Variants in CYP26B1 observed in about 807,000 individuals in gnomAD.
CYP26B1 encodes the protein cytochrome P450 26B1.
In CYP26B1, 8 loss-of-function variants were observed where a neutral mutation model predicts 39.1. The observed-to-expected ratio is 0.20, with a 90% CI of 0.12 to 0.37. The LOEUF is 0.37. CYP26B1 is among the 10% of genes least tolerant of loss of function. CYP26B1 has a pLI of 1.00. For synonymous variants in CYP26B1, 321 were observed against 314.3 expected, an observed-to-expected ratio of 1.02 and a Z score of -0.23; for missense variants, 615 against 707.0, an observed-to-expected ratio of 0.87 and a Z score of 1.48.
chr2:72,147,509 A>C lies in CYP26B1; in HGVS notation c.204+122T>G. ...GGGCTGCTGCGGCAGAGAGGAGGGA[A>C]GGGGCGGGGCGGGGACCAGTGCCTT... On this transcript the variant is annotated intron_variant, in intron 1 of 5. Transcript: ENST00000001146. This position sits in a 1 kb window ranked among gnomAD's most constrained non-coding sequence, Gnocchi z 6.1. 1 of 987,086 alleles carries C rather than the reference A, an allele frequency of 1.0e-6. No individual in the cohort carries two copies. Among genetic ancestry groups the C allele is most frequent in the African/African-American group, 1.7e-5 (1 of 57,976 alleles). 61.1% of individuals were successfully genotyped at this position (987,086 alleles called of 1,614,324 possible). A position where few individuals can be genotyped will look rare whatever the true frequency, so the allele number is the denominator to read the frequency against.
At position 72,144,186 on chromosome 2, in the gene CYP26B1, C is replaced by T; in HGVS notation, c.232G>A (p.Glu78Lys). 2.5e-6 allele frequency: 4 copies of T among 1,598,470 alleles called. No individual in the cohort carries two copies. The highest frequency in any genetic ancestry group is 1.7e-4 in the Middle Eastern group (1 of 6,014). Residue 78 changes from glutamate (E) to lysine (K), a missense_variant, in exon 2 of 6, where the codon GAG (glutamate) becomes AAG (lysine). Physicochemically the swap from Glu to Lys is moderately conservative, Grantham distance 56. Transcript: ENST00000001146. ...GTCTTGAACACGTTGCCATACTTCT[C>T]CCTCCGCGACGACTGGAAGCCAGAA... ...QGSGFQSSRR[E>K]KYGNVFKTHL...
At position 72,138,187 on chromosome 2, in the gene CYP26B1, T is replaced by G. The variant is rs532603061; in HGVS notation, c.430-2768A>C. Among the ~76,000 whole-genome samples the G allele has an allele frequency of 3.1e-3, 465 of 152,232 alleles. 4 individuals are homozygous for G. The highest frequency in any genetic ancestry group is 0.011 in the African/African-American group (439 of 41,550). On this transcript the variant is annotated intron_variant, in intron 2 of 5. Coordinates refer to ENST00000001146, the MANE Select transcript of CYP26B1 (RefSeq NM_019885.4). ...TCCATGCCCCTGCCTCTTGCCCAGC[T>G]GCTCCACAGACATAGGGGCCTCCCA...
intron 3 of CYP26B1, 24 bp from the exon 4 acceptor site, chr2:72,134,940 CAT>C (rs1398241581): frequency 1.9e-6 from 3 of 1,612,498 alleles, no homozygotes; most frequent in Non-Finnish European, 2.5e-6. Context: ...GGCTGTCACT[CAT>C]ATGGAAGGGC....
intron 3 of CYP26B1, 91 bp from the exon 4 acceptor site, chr2:72,135,007 C>A (rs1676720160): frequency 6.2e-7 from 1 of 1,601,090 alleles, no homozygotes; most frequent in South Asian, 1.1e-5. Context: ...TCCTCCTACC[C>A]CACGCTGACA....
rs1377375137 is a variant in CYP26B1 at position 72,147,296 on chromosome 2, T to C, written c.204+335A>G. 1.3e-5 allele frequency among the ~76,000 whole-genome samples: 2 copies of C among 151,780 alleles called. No homozygotes were observed. Among genetic ancestry groups the C allele is most frequent in the Non-Finnish European group, 2.9e-5 (2 of 67,946 alleles). On this transcript the variant is annotated intron_variant, in intron 1 of 5. Coordinates refer to ENST00000001146, the MANE Select transcript of CYP26B1 (RefSeq NM_019885.4). The surrounding 1 kb of genome is among the most constrained non-coding windows in gnomAD (Gnocchi z 6.1). ...GCGAAAGCGGCTCAGGACCGGACCC[T>C]CCCCCGGGACCGCGCCTCGCTAGGC... is the stretch of plus-strand genomic sequence containing the variant.
chr2:72,144,554 C>G, intron 1 of CYP26B1: 1 of 1,067,784 alleles, frequency 9.4e-7, no homozygotes, highest in Non-Finnish European at 1.1e-6. Context: ...CCACCCCGCG[C>G]TCGGGAGCCT....
At position 72,144,125 on chromosome 2, in the gene CYP26B1, C is replaced by T; in HGVS notation, c.293G>A (p.Gly98Asp). The T allele has an allele frequency of 6.2e-7, 1 of 1,611,700 alleles. No homozygotes were observed. Among genetic ancestry groups the T allele is most frequent in the Non-Finnish European group, 8.5e-7 (1 of 1,178,010 alleles). The change falls in exon 2 of 6, where the codon GGC becomes GAC. Residue 98 changes from glycine to aspartate, a missense_variant. Coordinates refer to ENST00000001146, the MANE Select transcript of CYP26B1 (RefSeq NM_019885.4). ...LLGRPLIRVT[G>D]AENVRKILMG... ...GAGGATCTTGCGCACGTTCTCCGCGCCGGTCACGCGTATCAGCGGCCGCCC... is the reference window on the plus strand; with the variant it reads ...GAGGATCTTGCGCACGTTCTCCGCGTCGGTCACGCGTATCAGCGGCCGCCC...
At chr2:72,144,767 G>T (rs1677070609) in intron 1 of CYP26B1, among the ~76,000 whole-genome samples, 1 of 152,194 alleles carries the variant, frequency 6.6e-6, no homozygotes, top group Non-Finnish European at 1.5e-5. Context: ...GCGGGGTCAC[G>T]GGCCCAGAGC....
chr2:72,140,989 T>G (rs1317298085), intron 2 of CYP26B1, among the ~76,000 whole-genome samples: 4 of 152,120 alleles, frequency 2.6e-5, no homozygotes, highest in Non-Finnish European at 4.4e-5. Flanking sequence ...TGAGGTCCAG[T>G]CCTATCTCCA....
In CYP26B1 at chr2:72,137,181, C is replaced by T. The variant is rs573700278; in HGVS notation, c.430-1762G>A. Among the ~76,000 whole-genome samples the T allele has an allele frequency of 4.7e-4, 71 of 152,274 alleles. 3 individuals carry two copies. In the South Asian group the frequency reaches 0.014, roughly 29 times the overall value. On this transcript the variant is annotated intron_variant, in intron 2 of 5. Coordinates refer to ENST00000001146, the MANE Select transcript of CYP26B1 (RefSeq NM_019885.4). ...GCAGACCTGGTCCTCCTGCCTCTCACCCGGTGCCCTGGAGGCCACGCCCAC... is the reference window on the plus strand; with the variant it reads ...GCAGACCTGGTCCTCCTGCCTCTCATCCGGTGCCCTGGAGGCCACGCCCAC...
rs1676747043 is a variant in CYP26B1 at position 72,135,548 on chromosome 2, AGCTGGGC to A, written c.430-136_430-130del. 7 of 1,384,256 alleles carry A rather than the reference AGCTGGGC, an allele frequency of 5.1e-6. No homozygotes were observed. In the African/African-American group the frequency reaches 8.5e-5, roughly 17 times the overall value. The allele number at this position is 1,384,256 out of a possible 1,614,324, so 85.7% of individuals were successfully genotyped here. On this transcript the variant is annotated intron_variant, in intron 2 of 5. Coordinates refer to ENST00000001146, the MANE Select transcript of CYP26B1 (RefSeq NM_019885.4). ...TTCCACACAACAGCAAAGCCTTGGGAGCTGGGCAGGCCAGCTGCCAGCAAGTCTTTGG... is the reference window on the plus strand; with the variant it reads ...TTCCACACAACAGCAAAGCCTTGGGAAGGCCAGCTGCCAGCAAGTCTTTGG...
intron 1 of CYP26B1, among the ~76,000 whole-genome samples, chr2:72,145,691 G>A (rs903649432): frequency 3.3e-5 from 5 of 151,954 alleles, no homozygotes; most frequent in African/African-American, 1.2e-4. Flanking sequence ...TTCCGAGGTC[G>A]CCGCCGCCTC....
rs3835743 is a variant in CYP26B1 at position 72,141,252 on chromosome 2, C to CT, written c.429+2736dup. On this transcript the variant is annotated intron_variant, in intron 2 of 5. Transcript: ENST00000001146. ...GGTAACCCAGGAGGAGGGAGGGAGTCTGAGGCCCTGGCTGCAAGGACACAG... is the reference window on the plus strand; with the variant it reads ...GGTAACCCAGGAGGAGGGAGGGAGTCTTGAGGCCCTGGCTGCAAGGACACAG... 6.5e-4 allele frequency among the ~76,000 whole-genome samples: 99 copies of CT among 152,280 alleles called. No individual in the cohort carries two copies. The East Asian group carries it at 0.013, about 20-fold the overall frequency.
intron 2 of CYP26B1, chr2:72,143,191 T>G (rs187498396): frequency 6.4e-6 from 1 of 155,126 alleles, no homozygotes; most frequent in African/African-American, 2.4e-5. Context: ...TCCCGGCGGC[T>G]TAGGGCCCGC....
At position 72,135,269 on chromosome 2, in the gene CYP26B1, T is replaced by A. The variant is rs150376229; in HGVS notation, c.580A>T (p.Ile194Phe). ...EAQKLTFRMA[I>F]RVLLGFSIPE... is the part of the protein sequence containing the mutation. ...ATGCTGAAGCCCAGCAGCACCCGGA[T>A]GGCCATGCGGAAGGTCAGCTTCTGC... The change falls in exon 3 of 6, where the codon ATC becomes TTC. Residue 194 changes from isoleucine to phenylalanine, a missense_variant. Coordinates refer to ENST00000001146, the MANE Select transcript of CYP26B1 (RefSeq NM_019885.4). The A allele has an allele frequency of 6.2e-7, 1 of 1,613,988 alleles. No individual in the cohort carries two copies. Among genetic ancestry groups the A allele is most frequent in the Non-Finnish European group, 8.5e-7 (1 of 1,180,032 alleles).
intron 2 of CYP26B1, among the ~76,000 whole-genome samples, chr2:72,137,438 G>C (rs935792076): frequency 5.9e-5 from 9 of 152,206 alleles, no homozygotes; most frequent in African/African-American, 2.2e-4. Context: ...CCCCTAAGCA[G>C]ATGCTATCCC....
At chr2:72,144,481 G>A in intron 1 of CYP26B1, 1 of 1,260,530 alleles carries the variant, frequency 7.9e-7, no homozygotes. Flanking sequence ...CGAGAGGAAA[G>A]AGGTATCCCG....
intron 2 of CYP26B1, among the ~76,000 whole-genome samples, 199 bp downstream of exon 2, chr2:72,143,790 C>CA (rs1394117262): frequency 1.3e-5 from 2 of 152,200 alleles, no homozygotes; most frequent in Non-Finnish European, 2.9e-5. Flanking sequence ...AGTCGGCCAG[C>CA]AAGAAAAGGG....
In CYP26B1 at chr2:72,134,854, C is replaced by T. The variant is rs762192926; in HGVS notation, c.768G>A (p.Gln256=). The change falls in exon 4 of 6, where the codon CAG becomes CAA. Residue 256 remains glutamine (Q), a synonymous_variant. Coordinates refer to ENST00000001146, the MANE Select transcript of CYP26B1 (RefSeq NM_019885.4). ...GLEKAIREKL[Q]CTQGKDYLDA... is the part of the protein sequence containing the mutation. The stretch of plus-strand genomic sequence containing the variant: ...CCAAGTAGTCCTTGCCCTGTGTGCA[C>T]TGCAGCTTCTCCCGGATGGCCTTCT... 4.3e-6 allele frequency: 7 copies of T among 1,614,194 alleles called. No individual in the cohort carries two copies. Among genetic ancestry groups the T allele is most frequent in the Non-Finnish European group, 5.9e-6 (7 of 1,180,020 alleles).
Sources: gnomAD v4.1 joint callset for allele counts (sites outside exome capture counted in the v4.1 genomes callset) on GRCh38, gnomAD v4.1.1 for gene constraint, Gnocchi (gnomAD v3.1) non-coding constraint, MANE v1.5 for transcripts, NCBI Gene and HGNC (gene_info 2026-07-23, HGNC 2026-07-21) for gene names.